Variants in RGSL1 observed in about 807,000 individuals in gnomAD.
The protein encoded by RGSL1 is regulator of G protein signaling protein-like.
Under a neutral mutation model 124.7 loss-of-function variants are expected in RGSL1, and 97 were observed. That is an observed-to-expected ratio of 0.78 (90% confidence interval 0.66 to 0.92). The LOEUF (loss-of-function observed/expected upper bound fraction) is 0.92. Ranked by LOEUF, RGSL1 falls within the 40% of genes least tolerant of loss-of-function variation. RGSL1 has a pLI of 0.00. For missense variants in RGSL1, 1,233 were observed against 1,288.4 expected, an observed-to-expected ratio of 0.96 and a Z score of 0.66; for synonymous variants, 424 against 438.1, an observed-to-expected ratio of 0.97 and a Z score of 0.40.
intron 15 of RGSL1, among the ~76,000 whole-genome samples, chr1:182,546,968 A>C (rs1489869958): frequency 6.6e-6 from 1 of 152,242 alleles, no homozygotes; most frequent in East Asian, 1.9e-4. Flanking sequence ...TGTCATGGGC[A>C]TCAGTCAGTG....
rs79253269 is a variant in RGSL1, at chr1:182,461,962, G to A, written c.301+1829G>A. Among the ~76,000 whole-genome samples the A allele has an allele frequency of 3.1e-3, 470 of 152,066 alleles. 6 individuals are homozygous for A. Among genetic ancestry groups the A allele is most frequent in the African/African-American group, 0.011 (447 of 41,476 alleles). ...CAAAGAGAATATTTGAATATATAAT[G>A]GCTAAAAACCTCTCAAACTTGATGG... On this transcript the variant is annotated intron_variant, in intron 4 of 21. Coordinates refer to ENST00000294854, the MANE Select transcript of RGSL1 (RefSeq NM_001137669.2).
At chr1:182,492,908 C>T (rs927184948) in intron 8 of RGSL1, 114 bp from the exon 9 acceptor site, 8 of 717,500 alleles carry the variant, frequency 1.1e-5, no homozygotes, top group Non-Finnish European at 1.7e-5. Context: ...GGATTACAAA[C>T]GTGAGCCACT....
At chr1:182,491,629 A>G (rs1211458302) in intron 8 of RGSL1, among the ~76,000 whole-genome samples, 1 of 152,170 alleles carries the variant, frequency 6.6e-6, no homozygotes, top group Non-Finnish European at 1.5e-5. Flanking sequence ...CCACTGCAGA[A>G]ATAACCCACT....
intron 4 of RGSL1, among the ~76,000 whole-genome samples, chr1:182,464,947 G>A (rs1167340627): frequency 4.6e-5 from 7 of 151,730 alleles, no homozygotes; most frequent in Non-Finnish European, 7.4e-5. Context: ...AAAAAATCCA[G>A]ACAGGTGTCA....
chr1:182,533,118 G>T (rs1332435976), intron 14 of RGSL1, among the ~76,000 whole-genome samples: 2 of 152,064 alleles, frequency 1.3e-5, no homozygotes, highest in African/African-American at 4.8e-5. Context: ...ATTAATACAT[G>T]CTGTTAATAA....
chr1:182,491,685 GTGA>G (rs143606584), intron 8 of RGSL1, among the ~76,000 whole-genome samples: 20,759 of 151,814 alleles, frequency 0.14, 1,716 homozygotes, highest in East Asian at 0.38. Context: ...ACACATCATG[GTGA>G]TGATGATGAT....
intron 14 of RGSL1, among the ~76,000 whole-genome samples, chr1:182,538,839 G>A (rs772348943): frequency 7.2e-5 from 11 of 152,014 alleles, no homozygotes; most frequent in African/African-American, 9.7e-5. Flanking sequence ...ACACTTAAGC[G>A]GCTTTTGGAA....
At chr1:182,470,832 C>T (rs925722658) in intron 4 of RGSL1, among the ~76,000 whole-genome samples, 2 of 152,128 alleles carry the variant, frequency 1.3e-5, no homozygotes, top group Non-Finnish European at 2.9e-5. Flanking sequence ...GAATTAGTAA[C>T]TTTTGGCTCA....
At chr1:182,539,801 A>G (rs3842832) in intron 14 of RGSL1, among the ~76,000 whole-genome samples, 78,746 of 152,042 alleles carry the variant, frequency 0.52, 20,650 homozygotes, top group Non-Finnish European at 0.55. Flanking sequence ...TTCTACCCTC[A>G]GTTTCCTTAG....
At chr1:182,502,830 G>A (rs1471851178) in intron 9 of RGSL1, among the ~76,000 whole-genome samples, 3 of 152,110 alleles carry the variant, frequency 2.0e-5, no homozygotes, top group African/African-American at 7.2e-5. Context: ...TTTGAGCAGT[G>A]TTTTCACTGC....
intron 4 of RGSL1, chr1:182,471,179 C>G: frequency 2.3e-6 from 1 of 429,248 alleles, no homozygotes. Context: ...ACAATTTGTC[C>G]TCACTACATT....
At chr1:182,497,021 G>GATACA (rs1215707681) in intron 9 of RGSL1, among the ~76,000 whole-genome samples, 2 of 152,090 alleles carry the variant, frequency 1.3e-5, no homozygotes, top group Admixed American at 6.6e-5. Flanking sequence ...TGATACATGT[G>GATACA]ATACAATGTA....
At chr1:182,489,422 CCAGA>C (rs1313282541) in intron 8 of RGSL1, among the ~76,000 whole-genome samples, 11 of 152,138 alleles carry the variant, frequency 7.2e-5, no homozygotes, top group Non-Finnish European at 1.6e-4. Flanking sequence ...GGATTTGAAT[CCAGA>C]CAGACTGACT....
intron 6 of RGSL1, among the ~76,000 whole-genome samples, chr1:182,482,228 G>T: frequency 6.6e-6 from 1 of 150,476 alleles, no homozygotes; most frequent in African/African-American, 2.4e-5. Flanking sequence ...ATAGAAGGAA[G>T]GTACTCCCAC....
Position 182,466,586 on chromosome 1 carries a change from C to T in RGSL1, c.302-5810C>T, listed in dbSNP as rs527494591. On this transcript the variant is annotated intron_variant, in intron 4 of 21. Coordinates refer to ENST00000294854, the MANE Select transcript of RGSL1 (RefSeq NM_001137669.2). ...TGTGAACAATTTCATTAAATAATAG[C>T]ATTAAAAAGAATAAAATACTTAGGA... is the stretch of plus-strand genomic sequence containing the variant. Among the ~76,000 whole-genome samples, 3 of 152,132 alleles carry T rather than the reference C, an allele frequency of 2.0e-5. No homozygotes were observed. The South Asian group carries it at 6.2e-4, about 32-fold the overall frequency.
intron 9 of RGSL1, among the ~76,000 whole-genome samples, chr1:182,516,351 T>G (rs1657898946): frequency 6.6e-6 from 1 of 152,180 alleles, no homozygotes; most frequent in Non-Finnish European, 1.5e-5. Context: ...TCTGTATGGG[T>G]GAAGTTAATT....
intron 15 of RGSL1, among the ~76,000 whole-genome samples, chr1:182,545,794 A>T (rs556410838): frequency 1.3e-5 from 2 of 152,058 alleles, no homozygotes; most frequent in South Asian, 4.2e-4. Flanking sequence ...TTGCCAGGTG[A>T]ATTGGAGCTT....
chr1:182,526,079 A>G (rs1339003043), intron 10 of RGSL1, among the ~76,000 whole-genome samples: 1 of 152,204 alleles, frequency 6.6e-6, no homozygotes, highest in African/African-American at 2.4e-5. Context: ...TAAGAAAAAA[A>G]TTGAATTAGT....
chr1:182,553,135 C>G (rs530562464), intron 18 of RGSL1, among the ~76,000 whole-genome samples: 2 of 152,244 alleles, frequency 1.3e-5, no homozygotes, highest in African/African-American at 4.8e-5. Flanking sequence ...AACTCCTGAC[C>G]TCAGGTGATC....
Sources: gnomAD v4.1 joint callset for allele counts (sites outside exome capture counted in the v4.1 genomes callset) on GRCh38, gnomAD v4.1.1 for gene constraint, MANE v1.5 for transcripts, NCBI Gene and HGNC (gene_info 2026-07-23, HGNC 2026-07-21) for gene names.